The following CSMD1 variants were observed in gnomAD, a reference collection of about 807,000 sequenced individuals.
CSMD1 encodes the protein CUB and sushi domain-containing protein 1.
In CSMD1, 213 loss-of-function variants were observed where a neutral mutation model predicts 417.5. The observed-to-expected ratio is 0.51, with a 90% confidence interval of 0.46 to 0.57. CSMD1 has a LOEUF of 0.57. CSMD1 is among the 20% of genes least tolerant of loss of function. The pLI, the probability that CSMD1 is intolerant of heterozygous loss-of-function variation, is 0.00. For synonymous variants in CSMD1, 2,862 were observed against 1,736.8 expected, an observed-to-expected ratio of 1.65 and a Z score of -16.11; for missense variants, 6,923 against 4,529.7, an observed-to-expected ratio of 1.53 and a Z score of -15.17.
At chr8:4,104,225 G>A (rs990189488) in intron 3 of CSMD1, among the ~76,000 whole-genome samples, 4 of 152,136 alleles carry the variant, frequency 2.6e-5, no homozygotes, top group African/African-American at 4.8e-5. Flanking sequence ...ACGTGAGTGC[G>A]GATACACATA....
At chr8:3,709,680 GTTTTTTTTTTTTTTTTT>G (rs56272726) in intron 6 of CSMD1, among the ~76,000 whole-genome samples, 8 of 33,702 alleles carry the variant, frequency 2.4e-4, no homozygotes, top group South Asian at 9.6e-4. Context: ...GCAGCAGCAT[GTTTTTTTTTTTTTTTTT>G]TTTTTTTTTT....
At chr8:4,724,674 G>A (rs867107794) in intron 1 of CSMD1, among the ~76,000 whole-genome samples, 229 of 152,042 alleles carry the variant, frequency 1.5e-3, no homozygotes, top group African/African-American at 5.4e-3. Context: ...AACTTGCTTT[G>A]TATTTTAAAT....
intron 12 of CSMD1, among the ~76,000 whole-genome samples, chr8:3,426,062 A>T (rs1029930634): frequency 5.9e-5 from 9 of 152,366 alleles, no homozygotes; most frequent in African/African-American, 2.2e-4. Flanking sequence ...ATTCTTGATA[A>T]TCTGTGAAAA....
At chr8:4,752,886 G>C (rs953121790) in intron 1 of CSMD1, among the ~76,000 whole-genome samples, 2 of 152,184 alleles carry the variant, frequency 1.3e-5, no homozygotes, top group African/African-American at 2.4e-5. Context: ...TTCTCCCAAA[G>C]ATCCTGCACC....
Position 3,428,544 on chromosome 8 carries a change from C to T in CSMD1, c.1562-18939G>A, listed in dbSNP as rs566323139. On this transcript the variant is annotated intron_variant, in intron 12 of 69. Coordinates refer to ENST00000635120, the MANE Select transcript of CSMD1 (RefSeq NM_033225.6). ...GACTTTCATAGCAACCCTTAAAAGA[C>T]TGACCATACCAAATGTCAGCAAACA... Among the ~76,000 whole-genome samples, 118 of 152,280 alleles carry T rather than the reference C, an allele frequency of 7.7e-4. 3 individuals are homozygous for T. The Middle Eastern group carries it at 0.01, about 13-fold the overall frequency.
intron 5 of CSMD1, among the ~76,000 whole-genome samples, chr8:3,951,787 A>C (rs1012755742): frequency 6.6e-6 from 1 of 152,182 alleles, no homozygotes; most frequent in Non-Finnish European, 1.5e-5. Context: ...TGCTGAGAAC[A>C]AATTAGTGAG....
At chr8:3,169,399 G>A (rs1820442080) in intron 37 of CSMD1, among the ~76,000 whole-genome samples, 1 of 152,082 alleles carries the variant, frequency 6.6e-6, no homozygotes, top group East Asian at 1.9e-4. Flanking sequence ...CTGCTGCTAA[G>A]TGAAATAAGC....
intron 2 of CSMD1, among the ~76,000 whole-genome samples, chr8:4,426,195 G>A (rs949831606): frequency 6.6e-6 from 1 of 151,698 alleles, no homozygotes; most frequent in Non-Finnish European, 1.5e-5. Flanking sequence ...TGGAATCTGT[G>A]AATTAAGAAG....
intron 3 of CSMD1, among the ~76,000 whole-genome samples, chr8:4,393,949 G>T (rs571035051): frequency 6.6e-6 from 1 of 152,128 alleles, no homozygotes; most frequent in African/African-American, 2.4e-5. Context: ...CTGTGTTTCA[G>T]GTATTAACGC....
rs1319674008 is a variant in CSMD1, at chr8:3,998,031, G to T, written c.690C>A (p.Asn230Lys). The change falls in exon 5 of 70, where the codon AAC becomes AAA. Residue 230 changes from asparagine to lysine, a missense_variant. Asn to Lys is a moderately conservative substitution (Grantham distance 94). Transcript: ENST00000635120. ...GAATGGTCCAGGTGCAGTCCGCGTT[G>T]TTCTCGTACTCTGAAGGGAAGTGCG... ...SSPHFPSEYENNADCTWTILA... is the reference protein window; with the variant it reads ...SSPHFPSEYEKNADCTWTILA... 1.9e-6 allele frequency: 3 copies of T among 1,604,786 alleles called. No homozygotes were observed. Among genetic ancestry groups the T allele is most frequent in the Non-Finnish European group, 2.6e-6 (3 of 1,175,254 alleles).
At chr8:3,190,355 C>G (rs781340891) in intron 33 of CSMD1, among the ~76,000 whole-genome samples, 1 of 152,022 alleles carries the variant, frequency 6.6e-6, no homozygotes, top group African/African-American at 2.4e-5. Context: ...GGAGCACGTT[C>G]CCAACTGTAC....
At chr8:4,298,407 C>A (rs975473057) in intron 3 of CSMD1, among the ~76,000 whole-genome samples, 1 of 152,032 alleles carries the variant, frequency 6.6e-6, no homozygotes, top group Non-Finnish European at 1.5e-5. Context: ...GAATACCATA[C>A]TAGACACTAG....
intron 7 of CSMD1, among the ~76,000 whole-genome samples, chr8:3,675,985 G>A (rs1326500059): frequency 5.3e-4 from 81 of 152,284 alleles, no homozygotes; most frequent in African/African-American, 1.2e-4. Context: ...CCCAGTCAGA[G>A]ACTCTGTAAT....
At chr8:4,702,807 C>G (rs562534353) in intron 1 of CSMD1, among the ~76,000 whole-genome samples, 9 of 151,922 alleles carry the variant, frequency 5.9e-5, no homozygotes, top group African/African-American at 1.9e-4. Flanking sequence ...ATAATAATAG[C>G]GGGATTCATC....
chr8:4,207,906 C>T (rs1402849428), intron 3 of CSMD1, among the ~76,000 whole-genome samples: 1 of 152,028 alleles, frequency 6.6e-6, no homozygotes, highest in African/African-American at 2.4e-5. Context: ...ACAAACATAA[C>T]TATATTTATA....
chr8:3,607,479 A>G (rs1445432470), intron 8 of CSMD1, among the ~76,000 whole-genome samples: 1 of 152,234 alleles, frequency 6.6e-6, no homozygotes, highest in African/African-American at 2.4e-5. Context: ...ATTATCAAGT[A>G]TGTGCTAGCC....
At chr8:4,394,303 C>G (rs369342783) in intron 3 of CSMD1, among the ~76,000 whole-genome samples, 1 of 151,994 alleles carries the variant, frequency 6.6e-6, no homozygotes, top group Admixed American at 6.6e-5. Context: ...AATGTTTACC[C>G]TCCTATGTTT....
chr8:3,634,695 T>C (rs962868285), intron 7 of CSMD1, among the ~76,000 whole-genome samples: 1 of 138,978 alleles, frequency 7.2e-6, no homozygotes, highest in Non-Finnish European at 1.5e-5. Flanking sequence ...ATGAAAGGTG[T>C]GATTAGAACT....
chr8:4,171,124 G>A (rs979209819), intron 3 of CSMD1, among the ~76,000 whole-genome samples: 1 of 151,908 alleles, frequency 6.6e-6, no homozygotes. Context: ...GCACACAAAG[G>A]TGAGGTATCC....
Sources: allele counts gnomAD v4.1 joint callset (sites outside exome capture counted in the v4.1 genomes callset), GRCh38; gene constraint gnomAD v4.1.1; transcripts MANE v1.5; gene names NCBI Gene and HGNC (gene_info 2026-07-23, HGNC 2026-07-21).